Variants in BFSP1 observed in about 807,000 individuals in gnomAD.
The protein encoded by BFSP1 is filensin.
Under a neutral mutation model 43.9 loss-of-function variants are expected in BFSP1, and 38 were observed. The observed-to-expected ratio is 0.87, with a 90% CI of 0.67 to 1.14. BFSP1 has a LOEUF of 1.14. Among genes scored for constraint, BFSP1 ranks in the 50% most tolerant of loss-of-function variants. The pLI is 0.00. For synonymous variants in BFSP1, 352 were observed against 354.8 expected, an observed-to-expected ratio of 0.99 and a Z score of 0.09; for missense variants, 850 against 875.1, an observed-to-expected ratio of 0.97 and a Z score of 0.36.
intron 5 of BFSP1, among the ~76,000 whole-genome samples, chr20:17,505,694 C>G (rs2033919665): frequency 6.6e-6 from 1 of 152,216 alleles, no homozygotes; most frequent in South Asian, 2.1e-4. Flanking sequence ...ACAGGGGGAC[C>G]AGGTGGAACA....
In BFSP1 at chr20:17,499,281, G is replaced by A. The variant is rs982387301; in HGVS notation, c.736-241C>T. 4.7e-5 allele frequency among the ~76,000 whole-genome samples: 6 copies of A among 127,492 alleles called. 1 individual carries two copies. Among genetic ancestry groups the A allele is most frequent in the Non-Finnish European group, 9.9e-5 (6 of 60,682 alleles). The allele number at this position is 127,492 out of a possible 152,430, so 83.6% of individuals were successfully genotyped here. On this transcript the variant is annotated intron_variant, in intron 5 of 7. Transcript: ENST00000377873. Reference sequence around the variant, plus strand: ...TTTTTTTGATAGAGGATCTCACTTTGTCACCAGGCTGGAATGCAGGAGTGC... The same window carrying A: ...TTTTTTTGATAGAGGATCTCACTTTATCACCAGGCTGGAATGCAGGAGTGC...
chr20:17,553,794 TACACACACACACAC>T (rs144515006), intron 1 of BFSP1, among the ~76,000 whole-genome samples: 42 of 104,974 alleles, frequency 4.0e-4, no homozygotes, highest in African/African-American at 1.3e-3. Flanking sequence ...TATATATATA[TACACACACACACAC>T]ACACACACAC....
chr20:17,557,295 A>G (rs1423607384), intron 1 of BFSP1, among the ~76,000 whole-genome samples: 1 of 152,154 alleles, frequency 6.6e-6, no homozygotes, highest in Non-Finnish European at 1.5e-5. Context: ...GAAATTTGAG[A>G]TACGCTTCCC....
intron 1 of BFSP1, among the ~76,000 whole-genome samples, chr20:17,546,821 C>T (rs1452265080): frequency 6.6e-6 from 1 of 151,534 alleles, no homozygotes; most frequent in Non-Finnish European, 1.5e-5. Flanking sequence ...GTCAGGAGTT[C>T]GAGACCAGCC....
At chr20:17,523,850 G>C (rs1226375422) in intron 2 of BFSP1, among the ~76,000 whole-genome samples, 1 of 152,052 alleles carries the variant, frequency 6.6e-6, no homozygotes, top group African/African-American at 2.4e-5. Flanking sequence ...TCAACCAGCA[G>C]AGTAATCCTA....
Position 17,494,355 on chromosome 20 carries a change from A to T in BFSP1, c.1717T>A (p.Cys573Ser), listed in dbSNP as rs1434483138. Residue 573 changes from cysteine (C) to serine (S), a missense_variant, in exon 8 of 8, where the codon TGT becomes AGT. Transcript: ENST00000377873. Reference sequence around the variant, plus strand: ...TCTGCACCGGGTGTGACCATGGCACAGGGTCTCCTGGACTCTTCGTCCCGC... The same window carrying T: ...TCTGCACCGGGTGTGACCATGGCACTGGGTCTCCTGGACTCTTCGTCCCGC... ...EERDEESRRP[C>S]AMVTPGAEEP... The T allele has an allele frequency of 6.2e-7, 1 of 1,614,170 alleles. No individual in the cohort carries two copies. The highest frequency in any genetic ancestry group is 2.2e-5 in the East Asian group (1 of 44,876).
At chr20:17,526,354 C>A (rs2034423849) in intron 1 of BFSP1, among the ~76,000 whole-genome samples, 1 of 152,136 alleles carries the variant, frequency 6.6e-6, no homozygotes, top group East Asian at 1.9e-4. Context: ...CCCTGACAAC[C>A]ACCATTGTAC....
At chr20:17,529,972 T>C (rs2034498955) in intron 1 of BFSP1, among the ~76,000 whole-genome samples, 1 of 152,244 alleles carries the variant, frequency 6.6e-6, no homozygotes, top group Non-Finnish European at 1.5e-5. Context: ...TAACAGCTCC[T>C]ATGTGATTTT....
chr20:17,529,786 T>C (rs1305570922), intron 1 of BFSP1, among the ~76,000 whole-genome samples: 9 of 151,456 alleles, frequency 5.9e-5, no homozygotes, highest in African/African-American at 2.2e-4. Context: ...GTGAGTATCT[T>C]TGCAGCCATG....
chr20:17,547,415 A>G lies in BFSP1; in HGVS notation c.2+11273T>C, dbSNP rs978322036. On this transcript the variant is annotated intron_variant, in intron 1 of 7. Coordinates refer to the BFSP1 transcript ENST00000377868. ...CTCGCTTACTGTTTTAAAGACCTGT[A>G]AAAACTGGGCTCCTCCTGGGATGGT... 7.2e-5 allele frequency among the ~76,000 whole-genome samples: 11 copies of G among 152,282 alleles called. 1 individual carries two copies. In the East Asian group the frequency reaches 1.7e-3, roughly 24 times the overall value.
chr20:17,544,726 A>C (rs1243173556), intron 1 of BFSP1, among the ~76,000 whole-genome samples: 1 of 152,184 alleles, frequency 6.6e-6, no homozygotes. Flanking sequence ...CCATCACCTA[A>C]AATTACAGAT....
At chr20:17,522,838 G>A (rs1027517726) in intron 2 of BFSP1, among the ~76,000 whole-genome samples, 4 of 152,168 alleles carry the variant, frequency 2.6e-5, no homozygotes, top group East Asian at 3.8e-4. Context: ...TGAAAAAACC[G>A]AGGCTCAGAG....
At chr20:17,542,256 G>T (rs1210640895) in intron 1 of BFSP1, among the ~76,000 whole-genome samples, 3 of 152,022 alleles carry the variant, frequency 2.0e-5, no homozygotes, top group Non-Finnish European at 4.4e-5. Flanking sequence ...TACACCACAA[G>T]AATGATAAAC....
chr20:17,496,876 G>A, intron 7 of BFSP1, 62 bp downstream of exon 7: 2 of 1,360,982 alleles, frequency 1.5e-6, no homozygotes, highest in Admixed American at 2.8e-5. Context: ...AAGTCAGGAA[G>A]AGAGCCGCTT....
upstream of BFSP1, chr20:17,559,034 G>T (rs1273301650): frequency 1.7e-5 from 4 of 230,714 alleles, no homozygotes; most frequent in Non-Finnish European, 3.3e-5. Context: ...CTTCCAAAAA[G>T]AAGAGTAAAG....
intron 1 of BFSP1, among the ~76,000 whole-genome samples, chr20:17,551,863 T>TA (rs2034901009): frequency 6.6e-6 from 1 of 152,020 alleles, no homozygotes. Context: ...CGGGCACCTG[T>TA]AATCCCAGCT....
At position 17,557,463 on chromosome 20, in the gene BFSP1, C is replaced by A. The variant is rs574367024; in HGVS notation, c.2+1225G>T. On this transcript the variant is annotated intron_variant, in intron 1 of 7. Transcript: ENST00000377868. ...AGAATGGCTTTAGCTTTCTCTGCCC[C>A]CCTATGTCCCCTACAACGTATTCTA... 2.0e-5 allele frequency among the ~76,000 whole-genome samples: 3 copies of A among 152,240 alleles called. No homozygotes were observed. In the East Asian group the frequency reaches 5.8e-4, roughly 29 times the overall value.
Position 17,531,341 on chromosome 20 carries a change from C to A in BFSP1, c.-12G>T. 2 of 1,374,662 alleles carry A rather than the reference C, an allele frequency of 1.5e-6. No homozygotes were observed. The allele number at this position is 1,374,662 out of a possible 1,614,324, so 85.2% of individuals were successfully genotyped here. On this transcript the variant is annotated 5_prime_UTR_variant, in exon 1 of 8. Coordinates refer to ENST00000377873, the MANE Select transcript of BFSP1 (RefSeq NM_001195.5). ...CTGCGCCGGTACATGGCTGCTCTGG[C>A]GCGGGCGCGCGGGCGGCGCCGAGCC...
chr20:17,562,346 G>GA (rs1176747948), upstream of BFSP1, among the ~76,000 whole-genome samples: 1 of 149,652 alleles, frequency 6.7e-6, no homozygotes, highest in African/African-American at 2.5e-5. Flanking sequence ...CCAGCATGGT[G>GA]AAACCCCATC....
Sources: allele counts gnomAD v4.1 joint callset (sites outside exome capture counted in the v4.1 genomes callset), GRCh38; gene constraint gnomAD v4.1.1; transcripts MANE v1.5; gene names NCBI Gene and HGNC (gene_info 2026-07-23, HGNC 2026-07-21).